The following WLS variants were observed in gnomAD, a reference collection of about 807,000 sequenced individuals.
WLS encodes the protein protein wntless homolog.
In WLS, 23 loss-of-function variants were observed where a neutral mutation model predicts 62.8. The observed-to-expected ratio is 0.37, with a 90% CI of 0.26 to 0.52. The LOEUF (loss-of-function observed/expected upper bound fraction) is 0.52. Ranked by LOEUF, WLS falls within the 20% of genes least tolerant of loss-of-function variation. WLS has a pLI of 0.92. For synonymous variants in WLS, 246 were observed against 244.1 expected, an observed-to-expected ratio of 1.01 and a Z score of -0.07; for missense variants, 615 against 697.3, an observed-to-expected ratio of 0.88 and a Z score of 1.33.
In WLS at chr1:68,126,334, G is replaced by A. The variant is rs564985913; in HGVS notation, c.1518C>T (p.Gly506=). 5.6e-5 allele frequency: 91 copies of A among 1,613,968 alleles called. No individual in the cohort carries two copies. The Middle Eastern group carries it at 6.6e-4, about 12-fold the overall frequency. The change falls in exon 12 of 12, where the codon GGC becomes GGT. Residue 506 remains glycine, a splice_region_variant and synonymous_variant. Transcript: ENST00000262348. ...CTTCCCCACTATGGACACCCAGATCGCCTGAAACAGGGTTTTCGGTGTTAG... is the reference window on the plus strand; with the variant it reads ...CTTCCCCACTATGGACACCCAGATCACCTGAAACAGGGTTTTCGGTGTTAG... ...HKNYGEDQSN[G]DLGVHSGEEL...
chr1:68,144,181 G>C (rs1010896138), intron 10 of WLS, among the ~76,000 whole-genome samples: 1 of 152,146 alleles, frequency 6.6e-6, no homozygotes, highest in Non-Finnish European at 1.5e-5. Context: ...TATTTAAGTG[G>C]CAATATAATT....
chr1:68,200,233 G>T (rs564668211), intron 1 of WLS, among the ~76,000 whole-genome samples: 197 of 152,102 alleles, frequency 1.3e-3, no homozygotes, highest in Non-Finnish European at 2.0e-3. Context: ...CATACAAAAA[G>T]TTGGTAGCAG....
At chr1:68,114,922 G>A (rs1396256682) in intron 11 of WLS, among the ~76,000 whole-genome samples, 2 of 152,172 alleles carry the variant, frequency 1.3e-5, no homozygotes, top group African/African-American at 4.8e-5. Context: ...GGCCTGGGAG[G>A]GGACACCTGG....
intron 11 of WLS, among the ~76,000 whole-genome samples, chr1:68,116,019 T>G (rs2566760): frequency 0.55 from 83,275 of 152,030 alleles, 23,575 homozygotes; most frequent in Non-Finnish European, 0.61. Flanking sequence ...CTGTCCTGAA[T>G]TCCTCTTGCT....
At chr1:68,220,316 C>T (rs182558098) in intron 1 of WLS, among the ~76,000 whole-genome samples, 1 of 152,132 alleles carries the variant, frequency 6.6e-6, no homozygotes, top group Non-Finnish European at 1.5e-5. Flanking sequence ...CCAGAATAAA[C>T]AAACAAACAG....
chr1:68,170,160 CTTTTTTT>C (rs571306573), intron 2 of WLS, among the ~76,000 whole-genome samples: 3 of 86,784 alleles, frequency 3.5e-5, no homozygotes, highest in African/African-American at 1.3e-4. Flanking sequence ...GCTACTATTT[CTTTTTTT>C]TTTTTTTTTT....
chr1:68,226,308 G>A (rs1161342979), intron 1 of WLS, among the ~76,000 whole-genome samples: 3 of 152,060 alleles, frequency 2.0e-5, no homozygotes, highest in Non-Finnish European at 2.9e-5. Context: ...CTTTGACCAC[G>A]AGTAGCTAGG....
chr1:68,228,870 A>G (rs896613717), intron 1 of WLS, among the ~76,000 whole-genome samples: 5 of 94,518 alleles, frequency 5.3e-5, no homozygotes, highest in East Asian at 3.2e-4. Flanking sequence ...AAAAAAAAAA[A>G]GCAAGCAAAA....
chr1:68,101,211 C>T (rs755468753), intron 11 of WLS, among the ~76,000 whole-genome samples: 5 of 152,170 alleles, frequency 3.3e-5, no homozygotes, highest in Admixed American at 1.3e-4. Flanking sequence ...TAATAATCAA[C>T]ACCTCATGGG....
At chr1:68,103,612 T>G (rs1646106377) in intron 11 of WLS, among the ~76,000 whole-genome samples, 1 of 152,092 alleles carries the variant, frequency 6.6e-6, no homozygotes, top group African/African-American at 2.4e-5. Context: ...GGATTCAGAA[T>G]CCTATAATTG....
At chr1:68,141,048 G>C (rs1298363208) in intron 10 of WLS, among the ~76,000 whole-genome samples, 1 of 145,574 alleles carries the variant, frequency 6.9e-6, no homozygotes, top group Admixed American at 7.3e-5. Context: ...AAAAGTCCCT[G>C]TTTTTCCTGA....
rs1033118465 is a variant in WLS, at chr1:68,205,724, A to G, written c.107-11497T>C. On this transcript the variant is annotated intron_variant, in intron 1 of 11. Transcript: ENST00000262348. ...CTTTAACACCCTTTAAACAGTACCT[A>G]CCAGAGAAAAAGCAAACACTCCCTT... Among the ~76,000 whole-genome samples the G allele has an allele frequency of 5.9e-5, 9 of 152,202 alleles. No homozygotes were observed. The East Asian group carries it at 1.7e-3, about 29-fold the overall frequency.
chr1:68,116,498 G>C (rs1226490691), intron 11 of WLS, among the ~76,000 whole-genome samples: 1 of 152,200 alleles, frequency 6.6e-6, no homozygotes, highest in Non-Finnish European at 1.5e-5. Flanking sequence ...GAACCAGGCT[G>C]TTACTTCCTA....
intron 11 of WLS, among the ~76,000 whole-genome samples, chr1:68,133,044 G>GGCAGCGGCAGCA (rs386367253): frequency 0.026 from 478 of 18,224 alleles, no homozygotes; most frequent in East Asian, 0.13. Context: ...GTCATGAAAA[G>GGCAGCGGCAGCA]GCAGCAGCAG....
At chr1:68,210,501 A>C (rs2100644818) in intron 1 of WLS, among the ~76,000 whole-genome samples, 1 of 152,326 alleles carries the variant, frequency 6.6e-6, no homozygotes, top group East Asian at 1.9e-4. Context: ...AACCATCGTA[A>C]TGTTCCAACT....
At chr1:68,103,910 C>A (rs269349) in intron 11 of WLS, among the ~76,000 whole-genome samples, 65,885 of 151,854 alleles carry the variant, frequency 0.43, 14,377 homozygotes, top group African/African-American at 0.46. Flanking sequence ...TGAACTGAAA[C>A]ATGGGGTGCT....
At chr1:68,192,906 C>A (rs1375705998) in intron 2 of WLS, among the ~76,000 whole-genome samples, 2 of 145,366 alleles carry the variant, frequency 1.4e-5, no homozygotes, top group Non-Finnish European at 3.0e-5. Flanking sequence ...AGCAGCCTGG[C>A]CAACATGGTA....
rs1037120368 is a variant in WLS, at chr1:68,163,051, A to G, written c.380-3804T>C. On this transcript the variant is annotated intron_variant, in intron 2 of 11. Transcript: ENST00000262348. ...CGGATACCTTCACAAATTCTGTCCA[A>G]TTGCTGTCTCTTGACTTTGTGCTTA... 7.6e-6 allele frequency: 12 copies of G among 1,578,966 alleles called. No homozygotes were observed. In the African/African-American group the frequency reaches 8.1e-5, roughly 11 times the overall value.
intron 2 of WLS, among the ~76,000 whole-genome samples, chr1:68,180,082 A>G (rs17130550): frequency 0.078 from 11,843 of 151,886 alleles, 494 homozygotes; most frequent in Admixed American, 0.1. Flanking sequence ...AAGACAAGCA[A>G]CAGCATCTCT....
Sources: allele counts gnomAD v4.1 joint callset (sites outside exome capture counted in the v4.1 genomes callset), GRCh38; gene constraint gnomAD v4.1.1; transcripts MANE v1.5; gene names NCBI Gene and HGNC (gene_info 2026-07-23, HGNC 2026-07-21).